Variants in RBFOX1 observed in about 807,000 individuals in gnomAD.
The protein encoded by RBFOX1 is RNA binding fox-1 homolog 1.
A neutral mutation model predicts 57.7 loss-of-function variants in RBFOX1; 8 were observed. The ratio of observed to expected loss-of-function variants is 0.14; its 90% CI spans 0.08 to 0.25. RBFOX1 has a LOEUF of 0.25. Ranked by LOEUF, RBFOX1 falls within the 10% of genes least tolerant of loss-of-function variation. The pLI, the probability that RBFOX1 is intolerant of heterozygous loss-of-function variation, is 1.00. For missense variants in RBFOX1, 611 were observed against 548.5 expected, an observed-to-expected ratio of 1.11 and a Z score of -1.14; for synonymous variants, 326 against 222.4, an observed-to-expected ratio of 1.47 and a Z score of -4.15.
intron 4 of RBFOX1, among the ~76,000 whole-genome samples, chr16:7,335,358 A>C (rs1163697354): frequency 2.0e-5 from 3 of 152,160 alleles, no homozygotes; most frequent in Non-Finnish European, 4.4e-5. Flanking sequence ...AGCCAAAATA[A>C]ACCATGTGTA....
intron 1 of RBFOX1, among the ~76,000 whole-genome samples, chr16:6,189,704 G>A (rs1381535043): frequency 2.0e-5 from 3 of 152,148 alleles, no homozygotes; most frequent in Non-Finnish European, 4.4e-5. Flanking sequence ...TTGTGGTTGA[G>A]GTTAGAACAC....
At chr16:7,129,885 G>A (rs182898353) in intron 4 of RBFOX1, among the ~76,000 whole-genome samples, 154 of 152,046 alleles carry the variant, frequency 1.0e-3, no homozygotes, top group African/African-American at 3.5e-3. Flanking sequence ...GAAAAAATAA[G>A]CAATGAATGA....
At chr16:7,519,570 A>T in intron 5 of RBFOX1, 1 of 297,342 alleles carries the variant, frequency 3.4e-6, no homozygotes, top group Non-Finnish European at 5.0e-6. Flanking sequence ...TCATAAAATT[A>T]AATAATGTTC....
At chr16:6,825,699 T>C (rs1442672639) in intron 3 of RBFOX1, among the ~76,000 whole-genome samples, 1 of 152,054 alleles carries the variant, frequency 6.6e-6, no homozygotes, top group African/African-American at 2.4e-5. Context: ...AAGAACCTAG[T>C]AGCAGATGAA....
chr16:5,893,936 C>T lies in RBFOX1; in HGVS notation c.351+26601C>T, dbSNP rs191402960. On this transcript the variant is annotated intron_variant, in intron 4 of 19. Coordinates refer to the RBFOX1 transcript ENST00000641259. ...AAAAAAGATCACCCACAGCCATGTC[C>T]GTCATTCTAAGGATAATTTAGTTGC... 5.9e-5 allele frequency among the ~76,000 whole-genome samples: 9 copies of T among 152,164 alleles called. No homozygotes were observed. In the East Asian group the frequency reaches 7.7e-4, roughly 13 times the overall value.
At chr16:5,964,211 C>G (rs555002256) in intron 4 of RBFOX1, among the ~76,000 whole-genome samples, 2 of 152,212 alleles carry the variant, frequency 1.3e-5, no homozygotes, top group South Asian at 2.1e-4. Flanking sequence ...CACCTCATAC[C>G]TATTAGGATG....
At chr16:5,669,197 C>G (rs573229678) in intron 3 of RBFOX1, among the ~76,000 whole-genome samples, 1 of 152,028 alleles carries the variant, frequency 6.6e-6, no homozygotes. Flanking sequence ...AATGATGCCT[C>G]GAGGCATCTG....
chr16:6,233,634 G>C (rs954184072), intron 1 of RBFOX1, among the ~76,000 whole-genome samples: 1 of 151,776 alleles, frequency 6.6e-6, no homozygotes, highest in Non-Finnish European at 1.5e-5. Flanking sequence ...AAAGAAATGG[G>C]GTCTCACTGT....
intron 4 of RBFOX1, among the ~76,000 whole-genome samples, chr16:7,488,863 A>G: frequency 6.6e-6 from 1 of 152,110 alleles, no homozygotes; most frequent in East Asian, 1.9e-4. Context: ...CTATACATTC[A>G]TCCCCTACTT....
intron 3 of RBFOX1, among the ~76,000 whole-genome samples, chr16:6,973,309 A>C (rs534528090): frequency 1.3e-5 from 2 of 152,312 alleles, no homozygotes; most frequent in South Asian, 2.1e-4. Flanking sequence ...CATGCAGACA[A>C]AATAAAGCTC....
intron 2 of RBFOX1, among the ~76,000 whole-genome samples, chr16:6,546,226 A>G (rs550622021): frequency 1.0e-3 from 155 of 152,324 alleles, no homozygotes; most frequent in Non-Finnish European, 1.8e-3. Context: ...TCATGAAGCT[A>G]TTGAGCAAGC....
At chr16:7,471,633 G>A (rs1467239088) in intron 4 of RBFOX1, among the ~76,000 whole-genome samples, 1 of 152,144 alleles carries the variant, frequency 6.6e-6, no homozygotes, top group African/African-American at 2.4e-5. Flanking sequence ...CTTTACCCAT[G>A]AGCTATGCAC....
At chr16:5,365,524 C>A in intron 1 of RBFOX1, among the ~76,000 whole-genome samples, 1 of 152,106 alleles carries the variant, frequency 6.6e-6, no homozygotes, top group Admixed American at 6.6e-5. Flanking sequence ...CAAAAATTAG[C>A]TGGGCATGGT....
intron 3 of RBFOX1, among the ~76,000 whole-genome samples, chr16:5,853,972 C>T (rs950140702): frequency 6.6e-6 from 1 of 152,220 alleles, no homozygotes; most frequent in African/African-American, 2.4e-5. Context: ...TAATTACAAA[C>T]TAATCCCTTA....
chr16:7,098,344 A>T (rs1311686234), intron 4 of RBFOX1, among the ~76,000 whole-genome samples: 3 of 152,116 alleles, frequency 2.0e-5, no homozygotes, highest in African/African-American at 7.2e-5. Context: ...TAATTTTTAT[A>T]TTTTTAGTGG....
intron 1 of RBFOX1, among the ~76,000 whole-genome samples, chr16:5,348,149 TCCATCCAC>T (rs1016826930): frequency 6.7e-6 from 1 of 148,338 alleles, no homozygotes; most frequent in Non-Finnish European, 1.5e-5. Context: ...CACCCATGTA[TCCATCCAC>T]CCATCCACCT....
At chr16:7,385,192 C>T (rs557375550) in intron 4 of RBFOX1, among the ~76,000 whole-genome samples, 7 of 152,280 alleles carry the variant, frequency 4.6e-5, no homozygotes, top group African/African-American at 1.7e-4. Context: ...ATATGAATTA[C>T]GGATGCAGAG....
intron 4 of RBFOX1, among the ~76,000 whole-genome samples, chr16:7,507,433 C>T (rs921196571): frequency 6.6e-6 from 1 of 152,138 alleles, no homozygotes; most frequent in Admixed American, 6.5e-5. Flanking sequence ...GAACATTTTT[C>T]TCCAGGATTG....
intron 5 of RBFOX1, among the ~76,000 whole-genome samples, chr16:7,575,796 A>G (rs2093279646): frequency 6.6e-6 from 1 of 152,210 alleles, no homozygotes; most frequent in African/African-American, 2.4e-5. Context: ...AAAGAGAAAG[A>G]AAAGAGATCA....
Sources: allele counts gnomAD v4.1 joint callset (sites outside exome capture counted in the v4.1 genomes callset), GRCh38; gene constraint gnomAD v4.1.1; transcripts MANE v1.5; gene names NCBI Gene and HGNC (gene_info 2026-07-23, HGNC 2026-07-21).